PHACTR1: variants seen among roughly 807,000 people sequenced by gnomAD.
The protein encoded by PHACTR1 is phosphatase and actin regulator 1.
In PHACTR1, 16 loss-of-function variants were observed where a neutral mutation model predicts 69.2. The ratio of observed to expected loss-of-function variants is 0.23; its 90% CI spans 0.16 to 0.35. The LOEUF (loss-of-function observed/expected upper bound fraction) is 0.35. PHACTR1 is among the 10% of genes least tolerant of loss of function. The pLI is 1.00. For synonymous variants in PHACTR1, 312 were observed against 284.5 expected (o/e 1.10, Z -0.97); for missense variants, 510 against 734.7 (o/e 0.69, Z 3.54).
chr6:12,731,098 C>A (rs1196296991), intron 3 of PHACTR1, among the ~76,000 whole-genome samples: 2 of 151,746 alleles, frequency 1.3e-5, no homozygotes, highest in Non-Finnish European at 2.9e-5. Flanking sequence ...TCACTGCAAC[C>A]TCTGCCTCCT....
chr6:12,830,105 GAA>G (rs1168605379), intron 4 of PHACTR1, among the ~76,000 whole-genome samples: 1 of 26,946 alleles, frequency 3.7e-5, no homozygotes, highest in African/African-American at 6.0e-5. Flanking sequence ...AAGAAAGAAA[GAA>G]AGAAAGAAAG....
intron 7 of PHACTR1, among the ~76,000 whole-genome samples, chr6:13,186,909 G>T (rs755820258): frequency 1.3e-5 from 2 of 152,148 alleles, no homozygotes; most frequent in African/African-American, 4.8e-5. Flanking sequence ...ATCTGTGGGA[G>T]CCCTGAGCTT....
At chr6:13,093,578 T>G (rs4132579) in intron 5 of PHACTR1, among the ~76,000 whole-genome samples, 10,890 of 152,274 alleles carry the variant, frequency 0.072, 1,316 homozygotes, top group African/African-American at 0.25. Flanking sequence ...CCCTCCGCAC[T>G]AACATAGACA....
chr6:13,283,011 A>T lies in PHACTR1; in HGVS notation c.1510-411A>T, dbSNP rs1780634140. Among the ~76,000 whole-genome samples, 2 of 152,340 alleles carry T rather than the reference A, an allele frequency of 1.3e-5. No homozygotes were observed. Among genetic ancestry groups the T allele is most frequent in the South Asian group, 4.1e-4 (2 of 4,826 alleles). On this transcript the variant is annotated intron_variant, in intron 12 of 14. Transcript: ENST00000332995. This position sits in a 1 kb window ranked among gnomAD's most constrained non-coding sequence, Gnocchi z 4.7. The stretch of plus-strand genomic sequence containing the variant: ...AAATATACACAGATAAAATGATATG[A>T]TGCCTGTGATTTGTTTCAAAGCAAT...
chr6:13,181,640 G>T (rs1027558297), intron 6 of PHACTR1, among the ~76,000 whole-genome samples: 2 of 152,224 alleles, frequency 1.3e-5, no homozygotes, highest in Non-Finnish European at 2.9e-5. Context: ...ACTACGTGGC[G>T]TGATTGGTGG....
chr6:13,103,551 C>T (rs556394102), intron 5 of PHACTR1, among the ~76,000 whole-genome samples: 17 of 152,254 alleles, frequency 1.1e-4, no homozygotes, highest in African/African-American at 4.1e-4. Context: ...AGCATTTCTC[C>T]TTCCAAAACA....
At chr6:12,849,853 CATTA>C (rs1442660666) in intron 4 of PHACTR1, among the ~76,000 whole-genome samples, 2 of 152,134 alleles carry the variant, frequency 1.3e-5, no homozygotes, top group East Asian at 1.9e-4. Context: ...TTAACTAAAC[CATTA>C]ATTAATTATT....
intron 4 of PHACTR1, among the ~76,000 whole-genome samples, chr6:13,035,775 A>G (rs1803213210): frequency 6.6e-6 from 1 of 152,198 alleles, no homozygotes; most frequent in Non-Finnish European, 1.5e-5. Context: ...ATGCTTTTAC[A>G]TGCTGCATTG....
At chr6:12,878,981 G>T (rs922973695) in intron 4 of PHACTR1, among the ~76,000 whole-genome samples, 64 of 152,114 alleles carry the variant, frequency 4.2e-4, no homozygotes, top group African/African-American at 1.5e-3. Context: ...TTTATCAACA[G>T]CATTGAAAAG....
intron 3 of PHACTR1, among the ~76,000 whole-genome samples, chr6:12,737,769 A>C (rs566296330): frequency 6.6e-6 from 1 of 151,882 alleles, no homozygotes; most frequent in East Asian, 1.9e-4. Flanking sequence ...TAATTTTTAA[A>C]ATTTTTTATA....
intron 7 of PHACTR1, among the ~76,000 whole-genome samples, chr6:13,198,779 A>T (rs1221383263): frequency 2.0e-5 from 3 of 152,246 alleles, no homozygotes. Context: ...TATTTCACAG[A>T]TTGGAAAACT....
intron 6 of PHACTR1, among the ~76,000 whole-genome samples, chr6:13,173,341 C>T (rs1046702437): frequency 1.3e-5 from 2 of 152,176 alleles, no homozygotes; most frequent in African/African-American, 4.8e-5. Context: ...TAGTCACACT[C>T]ATTAGTAAAT....
At chr6:12,738,896 G>T (rs1488473103) in intron 3 of PHACTR1, among the ~76,000 whole-genome samples, 1 of 151,878 alleles carries the variant, frequency 6.6e-6, no homozygotes, top group African/African-American at 2.4e-5. Context: ...AAAACCAAGA[G>T]CCTTCCCCTA....
At chr6:13,061,487 A>C (rs137993809) in intron 5 of PHACTR1, among the ~76,000 whole-genome samples, 162 of 152,326 alleles carry the variant, frequency 1.1e-3, no homozygotes, top group African/African-American at 3.8e-3. Context: ...GAAGCAATAC[A>C]GAAGATCATG....
chr6:12,900,841 C>T (rs879925021), intron 4 of PHACTR1, among the ~76,000 whole-genome samples: 4 of 152,090 alleles, frequency 2.6e-5, no homozygotes, highest in Admixed American at 1.3e-4. Flanking sequence ...CGTTTTAACT[C>T]GACGTTTTGC....
chr6:13,255,095 C>T (rs747982805), intron 10 of PHACTR1, among the ~76,000 whole-genome samples: 1 of 152,200 alleles, frequency 6.6e-6, no homozygotes, highest in Non-Finnish European at 1.5e-5. Context: ...GCGGCTTCTG[C>T]TTCTGGGGAG....
In PHACTR1 at chr6:13,287,384, T is replaced by C; in HGVS notation, c.*306T>C. The C allele has an allele frequency of 2.4e-6, 1 of 415,926 alleles. No homozygotes were observed. Among genetic ancestry groups the C allele is most frequent in the South Asian group, 3.0e-5 (1 of 33,790 alleles). The allele number at this position is 415,926 out of a possible 1,614,324, so 25.8% of individuals were successfully genotyped here. A position where few individuals can be genotyped will look rare whatever the true frequency, so the allele number is the denominator to read the frequency against. On this transcript the variant is annotated 3_prime_UTR_variant, in exon 15 of 15. Transcript: ENST00000332995. ...CTGGCAGGTGGAACGGTCCTTGTCC[T>C]CTCCAGCCAGGCCCAGCAGGCACTA...
intron 8 of PHACTR1, among the ~76,000 whole-genome samples, chr6:13,222,155 T>C (rs548266940): frequency 3.9e-5 from 6 of 152,284 alleles, no homozygotes; most frequent in Admixed American, 1.3e-4. Context: ...ACACAACCCA[T>C]GTGCAATGAA....
intron 4 of PHACTR1, among the ~76,000 whole-genome samples, chr6:13,049,199 T>A (rs983241702): frequency 6.6e-6 from 1 of 152,318 alleles, no homozygotes; most frequent in South Asian, 2.1e-4. Context: ...ATAATTTGTA[T>A]CCATTTCTTA....
Sources: gnomAD v4.1 joint callset for allele counts (sites outside exome capture counted in the v4.1 genomes callset) on GRCh38, gnomAD v4.1.1 for gene constraint, Gnocchi (gnomAD v3.1) non-coding constraint, MANE v1.5 for transcripts, NCBI Gene and HGNC (gene_info 2026-07-23, HGNC 2026-07-21) for gene names.